LRRC4C: variants seen among roughly 807,000 people sequenced by gnomAD.
LRRC4C encodes leucine-rich repeat-containing protein 4C.
A neutral mutation model predicts 33.6 loss-of-function variants in LRRC4C; 5 were observed. The ratio of observed to expected loss-of-function variants is 0.15; its 90% CI spans 0.08 to 0.31. The LOEUF is 0.31. Ranked by LOEUF, LRRC4C falls within the 10% of genes least tolerant of loss-of-function variation. LRRC4C has a pLI of 1.00. For missense variants in LRRC4C, 560 were observed against 796.7 expected, an observed-to-expected ratio of 0.70 and a Z score of 3.58; for synonymous variants, 329 against 302.0, an observed-to-expected ratio of 1.09 and a Z score of -0.93.
intron 1 of LRRC4C, among the ~76,000 whole-genome samples, chr11:41,291,041 A>C (rs1249489280): frequency 6.6e-6 from 1 of 152,218 alleles, no homozygotes; most frequent in Admixed American, 6.5e-5. Context: ...TGATTCTAAA[A>C]TTAGAATTAA....
At chr11:41,181,746 A>G (rs549222209) in intron 1 of LRRC4C, among the ~76,000 whole-genome samples, 3 of 152,310 alleles carry the variant, frequency 2.0e-5, no homozygotes, top group African/African-American at 7.2e-5. Flanking sequence ...TAGTCCTTCA[A>G]GATCATCTTC....
At chr11:40,146,797 A>G (rs934046677) in intron 5 of LRRC4C, among the ~76,000 whole-genome samples, 5 of 152,332 alleles carry the variant, frequency 3.3e-5, no homozygotes, top group African/African-American at 1.2e-4. Flanking sequence ...GACAAGGCAC[A>G]AAAAGTTGAA....
intron 1 of LRRC4C, among the ~76,000 whole-genome samples, chr11:40,959,344 A>T (rs1206344143): frequency 1.3e-5 from 2 of 151,710 alleles, no homozygotes. Context: ...TTCCAGGTTT[A>T]TTACGGAAAG....
chr11:41,055,860 T>C (rs187007043), intron 1 of LRRC4C, among the ~76,000 whole-genome samples: 43 of 152,250 alleles, frequency 2.8e-4, no homozygotes, highest in Admixed American at 9.8e-4. Context: ...TAAAAACCTA[T>C]AAGCTATAGT....
At chr11:40,190,955 G>T (rs1479848022) in intron 5 of LRRC4C, among the ~76,000 whole-genome samples, 1 of 152,146 alleles carries the variant, frequency 6.6e-6, no homozygotes, top group Admixed American at 6.5e-5. Context: ...AGATTCAAGA[G>T]GTCTTTCATT....
chr11:41,342,630 C>A (rs1951677875), intron 1 of LRRC4C, among the ~76,000 whole-genome samples: 1 of 151,972 alleles, frequency 6.6e-6, no homozygotes. Flanking sequence ...TAGGAGAATC[C>A]TTTGAACCCT....
intron 5 of LRRC4C, among the ~76,000 whole-genome samples, chr11:40,216,444 C>A (rs558288352): frequency 1.3e-5 from 2 of 152,094 alleles, no homozygotes; most frequent in South Asian, 4.1e-4. Context: ...CCATCATAAT[C>A]CCCCATCTCA....
intron 2 of LRRC4C, among the ~76,000 whole-genome samples, chr11:40,925,502 C>T (rs2136405209): frequency 6.6e-6 from 1 of 152,300 alleles, no homozygotes; most frequent in East Asian, 1.9e-4. Flanking sequence ...CTGCAACTGT[C>T]ACGCAGCACA....
intron 1 of LRRC4C, among the ~76,000 whole-genome samples, chr11:41,064,280 A>G (rs1590402259): frequency 6.6e-6 from 1 of 152,326 alleles, no homozygotes; most frequent in Admixed American, 6.5e-5. Context: ...TTCAAACTCC[A>G]TTATAATGGC....
intron 1 of LRRC4C, among the ~76,000 whole-genome samples, chr11:41,000,340 C>T (rs118174078): frequency 0.026 from 4,020 of 152,110 alleles, 76 homozygotes; most frequent in Middle Eastern, 0.051. Context: ...TGTTATAATC[C>T]ATGTTTAATT....
intron 1 of LRRC4C, among the ~76,000 whole-genome samples, chr11:40,988,248 C>T (rs575181756): frequency 1.3e-5 from 2 of 152,276 alleles, no homozygotes; most frequent in African/African-American, 4.8e-5. Flanking sequence ...CTCTCACTCC[C>T]ACGGTCCCAG....
chr11:40,339,744 C>G (rs576165255), intron 3 of LRRC4C, among the ~76,000 whole-genome samples: 2 of 152,110 alleles, frequency 1.3e-5, no homozygotes, highest in East Asian at 3.9e-4. Context: ...TAGTATTGAA[C>G]CTGTTTTAGG....
At chr11:41,215,790 G>A (rs1001157023) in intron 1 of LRRC4C, among the ~76,000 whole-genome samples, 2 of 152,088 alleles carry the variant, frequency 1.3e-5, no homozygotes, top group Non-Finnish European at 2.9e-5. Flanking sequence ...CCACTTTGGG[G>A]CTATTATAAA....
intron 5 of LRRC4C, among the ~76,000 whole-genome samples, chr11:40,227,312 T>C (rs188095595): frequency 7.9e-5 from 12 of 152,356 alleles, no homozygotes; most frequent in African/African-American, 2.9e-4. Flanking sequence ...TTTATCTCTC[T>C]CAATCTGCAT....
intron 2 of LRRC4C, among the ~76,000 whole-genome samples, chr11:40,901,999 TACACAC>T (rs369525560): frequency 0.09 from 12,626 of 139,718 alleles, 641 homozygotes; most frequent in South Asian, 0.2. Context: ...TCTCTCTCTC[TACACAC>T]ACACACACAC....
chr11:40,676,234 G>T (rs959850598), intron 2 of LRRC4C, among the ~76,000 whole-genome samples: 1 of 151,826 alleles, frequency 6.6e-6, no homozygotes, highest in African/African-American at 2.4e-5. Context: ...ATCTTTTATG[G>T]CAGCTTGCAA....
At chr11:40,848,658 G>T (rs1591878374) in intron 2 of LRRC4C, among the ~76,000 whole-genome samples, 1 of 152,160 alleles carries the variant, frequency 6.6e-6, no homozygotes, top group African/African-American at 2.4e-5. Context: ...TGTCTACTAG[G>T]TCTGGTTGGT....
At chr11:41,151,567 CT>C (rs1255284299) in intron 1 of LRRC4C, among the ~76,000 whole-genome samples, 1 of 152,144 alleles carries the variant, frequency 6.6e-6, no homozygotes, top group Non-Finnish European at 1.5e-5. Context: ...TACATATTTC[CT>C]TTAAAACTGG....
chr11:40,276,616 G>A (rs1943115846), intron 4 of LRRC4C, among the ~76,000 whole-genome samples: 1 of 151,680 alleles, frequency 6.6e-6, no homozygotes, highest in Non-Finnish European at 1.5e-5. Flanking sequence ...TCTCTAGAAG[G>A]CCCTTCAGGA....
Sources: allele counts gnomAD v4.1 joint callset (sites outside exome capture counted in the v4.1 genomes callset), GRCh38; gene constraint gnomAD v4.1.1; transcripts MANE v1.5; gene names NCBI Gene and HGNC (gene_info 2026-07-23, HGNC 2026-07-21).